The following ZC3H12B variants were observed in gnomAD, a reference collection of about 807,000 sequenced individuals.
The protein encoded by ZC3H12B is probable ribonuclease ZC3H12B.
In ZC3H12B, 7 loss-of-function variants were observed where a neutral mutation model predicts 43.9. The ratio of observed to expected loss-of-function variants is 0.16; its 90% confidence interval spans 0.09 to 0.30. ZC3H12B has a LOEUF of 0.30. Ranked by LOEUF, ZC3H12B falls within the 10% of genes least tolerant of loss-of-function variation. ZC3H12B has a pLI of 1.00. For missense variants in ZC3H12B, 475 were observed against 670.2 expected, an observed-to-expected ratio of 0.71 and a Z score of 3.22; for synonymous variants, 222 against 241.7, an observed-to-expected ratio of 0.92 and a Z score of 0.76.
At chrX:65,277,548 A>G in the ZC3H12B span, among the ~76,000 whole-genome samples, 1 of 112,294 alleles carries the variant, frequency 8.9e-6, no homozygotes, top group African/African-American at 3.2e-5. Flanking sequence ...AAAACTAGTT[A>G]TCAATAACAA....
At chrX:65,415,491 G>A (rs2066949296) in intron 3 of ZC3H12B, among the ~76,000 whole-genome samples, 1 of 112,289 alleles carries the variant, frequency 8.9e-6, no homozygotes, top group Admixed American at 9.4e-5. Context: ...AGTAAAGTTA[G>A]GTTGGAATTT....
chrX:65,046,097 A>T, the ZC3H12B span, among the ~76,000 whole-genome samples: 6 of 111,538 alleles, frequency 5.4e-5, no homozygotes, highest in African/African-American at 2.0e-4. Flanking sequence ...AGTAGATTTA[A>T]CATAATTATT....
intron 2 of ZC3H12B, among the ~76,000 whole-genome samples, chrX:65,371,055 C>T (rs777954310): frequency 9.0e-6 from 1 of 111,681 alleles, no homozygotes; most frequent in Non-Finnish European, 1.9e-5. Context: ...TCTATTCCAA[C>T]ATTGATATTC....
chrX:65,232,067 C>A, the ZC3H12B span, among the ~76,000 whole-genome samples: 6 of 96,296 alleles, frequency 6.2e-5, no homozygotes, highest in African/African-American at 1.1e-4. Context: ...AACCCCGTCT[C>A]TACTAACAAT....
the ZC3H12B span, among the ~76,000 whole-genome samples, chrX:65,293,867 C>T: frequency 9.0e-6 from 1 of 111,064 alleles, no homozygotes; most frequent in Non-Finnish European, 1.9e-5. Flanking sequence ...GTTGAATGAC[C>T]AAACCTAAGA....
chrX:65,156,132 G>C, the ZC3H12B span, among the ~76,000 whole-genome samples: 6 of 110,906 alleles, frequency 5.4e-5, no homozygotes, highest in African/African-American at 2.0e-4. Flanking sequence ...TATAACCTCT[G>C]CAGACCTTGT....
At chrX:65,281,231 CTT>C in the ZC3H12B span, among the ~76,000 whole-genome samples, 6,213 of 90,148 alleles carry the variant, frequency 0.069, 649 homozygotes, top group African/African-American at 0.25. Context: ...TATAGCCAAA[CTT>C]TTTTTTTTTT....
chrX:65,206,405 G>C, the ZC3H12B span, among the ~76,000 whole-genome samples: 1 of 111,702 alleles, frequency 9.0e-6, no homozygotes, highest in Non-Finnish European at 1.9e-5. Context: ...AAAACATAAA[G>C]TAGGGAAAGG....
the ZC3H12B span, among the ~76,000 whole-genome samples, chrX:65,192,828 T>C: frequency 9.0e-6 from 1 of 111,128 alleles, no homozygotes; most frequent in Non-Finnish European, 1.9e-5. Context: ...GGAGTCTCGC[T>C]CTATTGCTGG....
At chrX:65,261,238 A>T in the ZC3H12B span, among the ~76,000 whole-genome samples, 1 of 111,723 alleles carries the variant, frequency 9.0e-6, no homozygotes, top group Admixed American at 9.5e-5. Flanking sequence ...GAACAGAGAT[A>T]ACCAAGTGTT....
chrX:65,132,381 T>A, the ZC3H12B span, among the ~76,000 whole-genome samples: 2 of 110,642 alleles, frequency 1.8e-5, no homozygotes, highest in Non-Finnish European at 3.8e-5. Flanking sequence ...TAAAGCCTGT[T>A]GTGGGATGGG....
the ZC3H12B span, among the ~76,000 whole-genome samples, chrX:65,122,570 A>G: frequency 1.1e-4 from 12 of 111,671 alleles, no homozygotes; most frequent in Non-Finnish European, 1.9e-4. Flanking sequence ...AAGTTCTCCA[A>G]TTAAAAGAGA....
chrX:65,176,032 G>A, the ZC3H12B span, among the ~76,000 whole-genome samples: 5 of 111,398 alleles, frequency 4.5e-5, no homozygotes, highest in Non-Finnish European at 9.4e-5. Flanking sequence ...GAACACCAGT[G>A]AGACAGAACC....
the ZC3H12B span, among the ~76,000 whole-genome samples, chrX:65,162,289 A>G: frequency 9.0e-6 from 1 of 110,971 alleles, no homozygotes; most frequent in South Asian, 3.8e-4. Context: ...TGTTCTCTGT[A>G]TTTCCTGAAT....
the ZC3H12B span, among the ~76,000 whole-genome samples, chrX:65,144,246 G>T: frequency 1.8e-5 from 2 of 111,125 alleles, no homozygotes; most frequent in South Asian, 7.6e-4. Flanking sequence ...ATCTCTTCTA[G>T]GTTTTCTAGT....
At chrX:65,124,715 G>A in the ZC3H12B span, among the ~76,000 whole-genome samples, 1 of 110,552 alleles carries the variant, frequency 9.0e-6, no homozygotes. Flanking sequence ...TAATCTAGGA[G>A]GGTTGTGTAT....
the ZC3H12B span, among the ~76,000 whole-genome samples, chrX:65,158,217 G>A: frequency 1.8e-5 from 2 of 109,978 alleles, no homozygotes; most frequent in Non-Finnish European, 3.8e-5. Flanking sequence ...ATTGTGAATA[G>A]TGCCGCAATA....
intron 3 of ZC3H12B, among the ~76,000 whole-genome samples, chrX:65,467,141 C>T (rs1328205093): frequency 9.5e-6 from 1 of 104,917 alleles, no homozygotes. Context: ...CATTATACTA[C>T]TCTGTATGCC....
chrX:65,140,872 G>T, the ZC3H12B span, among the ~76,000 whole-genome samples: 1 of 111,465 alleles, frequency 9.0e-6, no homozygotes, highest in East Asian at 2.8e-4. Flanking sequence ...GTTCTTAGTG[G>T]TCACTTATGA....
Sources: allele counts gnomAD v4.1 joint callset (sites outside exome capture counted in the v4.1 genomes callset), GRCh38; gene constraint gnomAD v4.1.1; transcripts MANE v1.5; gene names NCBI Gene and HGNC (gene_info 2026-07-23, HGNC 2026-07-21).